Variants in CDH4 observed in about 807,000 individuals in gnomAD.
CDH4 encodes the protein cadherin 4, also known as cadherin-4.
Under a neutral mutation model 86.0 loss-of-function variants are expected in CDH4, and 33 were observed. The observed-to-expected ratio is 0.38, with a 90% confidence interval of 0.29 to 0.51. The LOEUF is 0.51. Ranked by LOEUF, CDH4 falls within the 20% of genes least tolerant of loss-of-function variation. The pLI is 0.86. For synonymous variants in CDH4, 555 were observed against 549.4 expected, an observed-to-expected ratio of 1.01 and a Z score of -0.14; for missense variants, 1,114 against 1,307.4, an observed-to-expected ratio of 0.85 and a Z score of 2.28.
intron 2 of CDH4, among the ~76,000 whole-genome samples, chr20:61,592,611 GTCACTCCCCTT>G: frequency 6.6e-6 from 1 of 152,060 alleles, no homozygotes; most frequent in East Asian, 1.9e-4. Flanking sequence ...CTATTAAGCA[GTCACTCCCCTT>G]TCCCCCTCCA....
intron 2 of CDH4, among the ~76,000 whole-genome samples, chr20:61,631,241 C>T (rs544227665): frequency 6.6e-6 from 1 of 152,342 alleles, no homozygotes; most frequent in South Asian, 2.1e-4. Flanking sequence ...TCTGTGTCCA[C>T]TGTGCATGTC....
chr20:61,409,804 G>A (rs2085106321), intron 2 of CDH4, among the ~76,000 whole-genome samples: 1 of 152,248 alleles, frequency 6.6e-6, no homozygotes, highest in Admixed American at 6.5e-5. Flanking sequence ...AAAGAAATAT[G>A]ACAATAGGTA....
chr20:61,603,577 C>T lies in CDH4; in HGVS notation c.170-139986C>T, dbSNP rs1436261944. Among the ~76,000 whole-genome samples the T allele has an allele frequency of 2.0e-5, 3 of 152,304 alleles. No homozygotes were observed. In the East Asian group the frequency reaches 5.8e-4, roughly 29 times the overall value. ...ACCCAAAGCACAGGGAGCAGAAGGGCCCATCCCGGGCCCTCACCTGCTAGG... is the reference window on the plus strand; with the variant it reads ...ACCCAAAGCACAGGGAGCAGAAGGGTCCATCCCGGGCCCTCACCTGCTAGG... On this transcript the variant is annotated intron_variant, in intron 2 of 15. Transcript: ENST00000614565.
intron 7 of CDH4, among the ~76,000 whole-genome samples, chr20:61,878,358 C>T (rs913335424): frequency 1.3e-5 from 2 of 152,226 alleles, no homozygotes; most frequent in Non-Finnish European, 2.9e-5. Flanking sequence ...CCAGGCGTGG[C>T]CTGCAGCTGG....
chr20:61,801,724 C>T (rs1178861133), intron 4 of CDH4, among the ~76,000 whole-genome samples: 1 of 152,198 alleles, frequency 6.6e-6, no homozygotes, highest in Non-Finnish European at 1.5e-5. Context: ...GCTCTGTCTT[C>T]AAGGGCAGCA....
At chr20:61,824,672 A>G (rs1271014666) in intron 4 of CDH4, among the ~76,000 whole-genome samples, 3 of 152,246 alleles carry the variant, frequency 2.0e-5, no homozygotes, top group African/African-American at 7.2e-5. Flanking sequence ...CCAGTACCAA[A>G]CAAGAGATCC....
chr20:61,397,179 G>C (rs754235680), intron 2 of CDH4, among the ~76,000 whole-genome samples: 6 of 152,036 alleles, frequency 3.9e-5, no homozygotes, highest in Non-Finnish European at 8.8e-5. Context: ...CAAAGTGCTG[G>C]GATTACAGGT....
chr20:61,581,708 C>T (rs892698927), intron 2 of CDH4, among the ~76,000 whole-genome samples: 12 of 152,216 alleles, frequency 7.9e-5, no homozygotes, highest in Admixed American at 3.3e-4. Flanking sequence ...CCCAAGGCCC[C>T]GACTGCATCA....
At chr20:61,920,300 G>C (rs867430129) in intron 9 of CDH4, among the ~76,000 whole-genome samples, 1 of 149,610 alleles carries the variant, frequency 6.7e-6, no homozygotes, top group Admixed American at 6.7e-5. Context: ...GCATGGTATC[G>C]TGATTGTGTG....
At chr20:61,916,390 A>G (rs934474409) in intron 9 of CDH4, among the ~76,000 whole-genome samples, 1 of 152,246 alleles carries the variant, frequency 6.6e-6, no homozygotes, top group African/African-American at 2.4e-5. Context: ...AAATGATGCA[A>G]ATTGTGGGGC....
At chr20:61,424,130 C>T (rs779938650) in intron 2 of CDH4, among the ~76,000 whole-genome samples, 5 of 151,544 alleles carry the variant, frequency 3.3e-5, no homozygotes, top group Non-Finnish European at 5.9e-5. Context: ...CACATGTATC[C>T]ACACACAGCA....
At chr20:61,924,273 G>A in intron 10 of CDH4, 61 bp from the exon 11 acceptor site, 1 of 1,544,208 alleles carries the variant, frequency 6.5e-7, no homozygotes, top group Admixed American at 1.7e-5. Context: ...GGAGGCCTGG[G>A]ATCCAGGGCA....
chr20:61,443,968 C>CTGTA (rs1399170820), intron 2 of CDH4, among the ~76,000 whole-genome samples: 16 of 142,798 alleles, frequency 1.1e-4, no homozygotes, highest in Admixed American at 1.4e-4. Flanking sequence ...GTGTGTGTAT[C>CTGTA]TGTGTGTGTG....
rs1435187470 is a variant in CDH4 at position 61,938,649 on chromosome 20, G to A, written c.*1706G>A. The A allele has an allele frequency of 6.6e-6, 1 of 152,476 alleles. No homozygotes were observed. The highest frequency in any genetic ancestry group is 1.5e-5 in the Non-Finnish European group (1 of 68,258). 9.4% of individuals were successfully genotyped at this position (152,476 alleles called of 1,614,324 possible). On this transcript the variant is annotated 3_prime_UTR_variant, in exon 16 of 16. Transcript: ENST00000614565. ...CAGGGAGTGTCTCGGGGTGCCTTTG[G>A]GGGCAGCATGAGCTCCACCAGGGGC...
chr20:61,511,836 G>A (rs949425817), intron 2 of CDH4, among the ~76,000 whole-genome samples: 9 of 152,126 alleles, frequency 5.9e-5, no homozygotes, highest in Admixed American at 2.6e-4. Context: ...CTGCTCTGAG[G>A]GCACTGATAC....
intron 2 of CDH4, among the ~76,000 whole-genome samples, chr20:61,613,968 C>T (rs541090139): frequency 1.4e-4 from 21 of 152,144 alleles, no homozygotes; most frequent in African/African-American, 4.6e-4. Flanking sequence ...GATTGACAAA[C>T]GTGACTAAGT....
intron 2 of CDH4, among the ~76,000 whole-genome samples, chr20:61,314,063 A>T (rs1308272042): frequency 6.6e-6 from 1 of 152,210 alleles, no homozygotes; most frequent in Non-Finnish European, 1.5e-5. Context: ...TATACGTATG[A>T]TTCTCCAGAT....
intron 2 of CDH4, among the ~76,000 whole-genome samples, chr20:61,585,330 C>T (rs1447911073): frequency 6.6e-6 from 1 of 152,240 alleles, no homozygotes; most frequent in African/African-American, 2.4e-5. Flanking sequence ...TTTCTTGCCA[C>T]ACCATCCCTC....
rs984611659 is a variant in CDH4, at chr20:61,708,916, G to A, written c.170-34647G>A. Reference sequence around the variant, plus strand: ...ATCGTATTTTACAAAGTATCAGCTTGTGACAGAGATTGGACATTAGAAAAC... The same window carrying A: ...ATCGTATTTTACAAAGTATCAGCTTATGACAGAGATTGGACATTAGAAAAC... On this transcript the variant is annotated intron_variant, in intron 2 of 15. Coordinates refer to ENST00000614565, the MANE Select transcript of CDH4 (RefSeq NM_001794.5). This position sits in a 1 kb window ranked among gnomAD's most constrained non-coding sequence, Gnocchi z 4.5. 6.6e-6 allele frequency among the ~76,000 whole-genome samples: 1 copy of A among 152,242 alleles called. No homozygotes were observed. Among genetic ancestry groups the A allele is most frequent in the African/African-American group, 2.4e-5 (1 of 41,482 alleles).
Sources: allele counts gnomAD v4.1 joint callset (sites outside exome capture counted in the v4.1 genomes callset), GRCh38; gene constraint gnomAD v4.1.1; non-coding constraint Gnocchi (gnomAD v3.1); transcripts MANE v1.5; gene names NCBI Gene and HGNC (gene_info 2026-07-23, HGNC 2026-07-21).